The following RIMS1 variants were observed in gnomAD, a reference collection of about 807,000 sequenced individuals.
The protein encoded by RIMS1 is regulating synaptic membrane exocytosis protein 1.
A neutral mutation model predicts 214.1 loss-of-function variants in RIMS1; 83 were observed. The observed-to-expected ratio is 0.39, with a 90% confidence interval of 0.32 to 0.47. The LOEUF (loss-of-function observed/expected upper bound fraction) is 0.47. Ranked by LOEUF, RIMS1 falls within the 20% of genes least tolerant of loss-of-function variation. The probability of loss-of-function intolerance (pLI) is 0.99; values close to 1 mark genes in which losing one functional copy is unlikely to be tolerated. For synonymous variants in RIMS1, 793 were observed against 786.8 expected, an observed-to-expected ratio of 1.01 and a Z score of -0.13; for missense variants, 2,050 against 2,161.8, an observed-to-expected ratio of 0.95 and a Z score of 1.03.
chr6:72,359,770 AC>A lies in RIMS1; in HGVS notation c.4366+25936del, dbSNP rs569235375. On this transcript the variant is annotated intron_variant, in intron 29 of 33. Transcript: ENST00000521978. ...GGTCATGTGAGAGAAATAACACAAC[AC>A]ATAAATCACAAAGTGCATCCCAAGT... Among the ~76,000 whole-genome samples the A allele has an allele frequency of 2.6e-5, 4 of 152,284 alleles. No homozygotes were observed. In the South Asian group the frequency reaches 8.3e-4, roughly 32 times the overall value.
At chr6:72,161,272 TC>T (rs1342311517) in intron 4 of RIMS1, among the ~76,000 whole-genome samples, 1 of 140,466 alleles carries the variant, frequency 7.1e-6, no homozygotes, top group Non-Finnish European at 1.6e-5. Context: ...TTGATTCTTC[TC>T]TCTTTTCTTC....
At chr6:71,948,963 G>A (rs879855813) in intron 1 of RIMS1, among the ~76,000 whole-genome samples, 2 of 152,186 alleles carry the variant, frequency 1.3e-5, no homozygotes, top group African/African-American at 2.4e-5. Context: ...GAGGGCATAA[G>A]CTAATTCAGG....
intron 28 of RIMS1, among the ~76,000 whole-genome samples, chr6:72,324,194 A>C (rs1204411131): frequency 6.6e-6 from 1 of 151,980 alleles, no homozygotes; most frequent in East Asian, 1.9e-4. Context: ...AGAATGAAGA[A>C]CATTGGAAAG....
chr6:72,149,683 C>A (rs2043247249), intron 4 of RIMS1, among the ~76,000 whole-genome samples: 1 of 152,180 alleles, frequency 6.6e-6, no homozygotes, highest in Non-Finnish European at 1.5e-5. Context: ...GAATTATATG[C>A]CCACATTCAC....
At chr6:72,004,265 A>G (rs1463270385) in intron 2 of RIMS1, among the ~76,000 whole-genome samples, 1 of 151,664 alleles carries the variant, frequency 6.6e-6, no homozygotes, top group African/African-American at 2.4e-5. Context: ...AATCCAGTCT[A>G]TCATTGTTGG....
At chr6:71,992,632 C>T (rs1675455702) in intron 2 of RIMS1, among the ~76,000 whole-genome samples, 1 of 142,938 alleles carries the variant, frequency 7.0e-6, no homozygotes, top group African/African-American at 2.5e-5. Context: ...TCTTCTTCCT[C>T]TTCTTCCTCT....
intron 4 of RIMS1, among the ~76,000 whole-genome samples, chr6:72,119,885 T>C (rs183616680): frequency 6.6e-4 from 100 of 151,868 alleles, no homozygotes; most frequent in Non-Finnish European, 1.1e-3. Context: ...TTCCCACCTA[T>C]GAATGAGAAC....
chr6:72,046,182 C>G (rs969529151), intron 2 of RIMS1, among the ~76,000 whole-genome samples: 1 of 151,994 alleles, frequency 6.6e-6, no homozygotes, highest in Non-Finnish European at 1.5e-5. Flanking sequence ...CTGGGACCAG[C>G]CTATGATGAT....
intron 19 of RIMS1, chr6:72,262,287 A>G: frequency 4.5e-6 from 4 of 880,020 alleles, no homozygotes; most frequent in Non-Finnish European, 5.4e-6. Flanking sequence ...GTGCTTTGCT[A>G]ATAATTCTGA....
intron 29 of RIMS1, among the ~76,000 whole-genome samples, chr6:72,380,154 A>T (rs1351048842): frequency 6.6e-6 from 1 of 152,110 alleles, no homozygotes; most frequent in Non-Finnish European, 1.5e-5. Context: ...AGGATAGAAA[A>T]CCAAACACCG....
At chr6:71,913,315 G>A (rs933760864) in intron 1 of RIMS1, among the ~76,000 whole-genome samples, 1 of 152,132 alleles carries the variant, frequency 6.6e-6, no homozygotes, top group Admixed American at 6.6e-5. Flanking sequence ...GAATTGACAT[G>A]ATGCGAAAAG....
chr6:71,903,814 C>T (rs935412911), intron 1 of RIMS1, among the ~76,000 whole-genome samples: 1 of 151,752 alleles, frequency 6.6e-6, no homozygotes, highest in African/African-American at 2.4e-5. Context: ...ATTAAGTCTG[C>T]ACTAGAAATA....
chr6:72,112,665 T>G (rs1056231100), intron 4 of RIMS1, among the ~76,000 whole-genome samples: 1 of 152,148 alleles, frequency 6.6e-6, no homozygotes, highest in Admixed American at 6.6e-5. Context: ...TCTTCAGGTC[T>G]CTGCTCAAAC....
At chr6:72,373,238 A>G (rs1016643562) in intron 29 of RIMS1, among the ~76,000 whole-genome samples, 1 of 152,208 alleles carries the variant, frequency 6.6e-6, no homozygotes, top group African/African-American at 2.4e-5. Context: ...TTTTCAGCTC[A>G]GTGCTTATTT....
intron 26 of RIMS1, among the ~76,000 whole-genome samples, chr6:72,306,956 A>C (rs934631562): frequency 2.6e-5 from 4 of 152,176 alleles, no homozygotes; most frequent in African/African-American, 9.7e-5. Context: ...TTACAATTAA[A>C]TTTGGTTTCG....
At position 72,283,162 on chromosome 6, in the gene RIMS1, AATTAAT is replaced by A. The variant is rs1411577864; in HGVS notation, c.3483-879_3483-874del. 2.4e-4 allele frequency among the ~76,000 whole-genome samples: 37 copies of A among 152,262 alleles called. No homozygotes were observed. In the Middle Eastern group the frequency reaches 0.01, roughly 42 times the overall value. On this transcript the variant is annotated intron_variant, in intron 23 of 33. Transcript: ENST00000521978. Reference sequence around the variant, plus strand: ...AGAAAAATAAGCTTAATTTGTAGATAATTAATATTAAATACACATTCCTAGGGTTTC... The same window carrying A: ...AGAAAAATAAGCTTAATTTGTAGATAATTAAATACACATTCCTAGGGTTTC...
At chr6:72,002,931 T>G (rs1805802090) in intron 2 of RIMS1, among the ~76,000 whole-genome samples, 2 of 152,228 alleles carry the variant, frequency 1.3e-5, no homozygotes, top group Admixed American at 1.3e-4. Flanking sequence ...TCTGTGGGTC[T>G]GAAGCTGCTA....
At chr6:72,069,178 A>C (rs1830030802) in intron 2 of RIMS1, among the ~76,000 whole-genome samples, 1 of 152,212 alleles carries the variant, frequency 6.6e-6, no homozygotes, top group East Asian at 1.9e-4. Flanking sequence ...TTGGGGGAGA[A>C]ATGGGAAGCT....
chr6:72,195,498 T>C (rs1407864424), intron 6 of RIMS1, among the ~76,000 whole-genome samples: 1 of 152,116 alleles, frequency 6.6e-6, no homozygotes, highest in Non-Finnish European at 1.5e-5. Flanking sequence ...TACCCCTAAA[T>C]ATAGAGATGG....
Sources: allele counts gnomAD v4.1 joint callset (sites outside exome capture counted in the v4.1 genomes callset), GRCh38; gene constraint gnomAD v4.1.1; transcripts MANE v1.5; gene names NCBI Gene and HGNC (gene_info 2026-07-23, HGNC 2026-07-21).